Variants in BCAS3 observed in about 807,000 individuals in gnomAD.
The protein encoded by BCAS3 is BCAS4/BCAS3 fusion.
In BCAS3, 53 loss-of-function variants were observed where a neutral mutation model predicts 116.1. The ratio of observed to expected loss-of-function variants is 0.46; its 90% CI spans 0.37 to 0.57. BCAS3 has a LOEUF of 0.57. BCAS3 is among the 20% of genes least tolerant of loss of function. The pLI is 0.00. For missense variants in BCAS3, 917 were observed against 1,165.4 expected (o/e 0.79, Z 3.10); for synonymous variants, 391 against 408.2 (o/e 0.96, Z 0.51).
chr17:60,935,906 T>C (rs2059895608), intron 13 of BCAS3, among the ~76,000 whole-genome samples: 1 of 151,928 alleles, frequency 6.6e-6, no homozygotes, highest in Non-Finnish European at 1.5e-5. Flanking sequence ...GTGCACAACA[T>C]GCAGGTTATT....
intron 14 of BCAS3, among the ~76,000 whole-genome samples, chr17:60,981,012 T>G (rs1378216388): frequency 1.3e-5 from 2 of 151,940 alleles, no homozygotes; most frequent in Non-Finnish European, 2.9e-5. Context: ...GTGTTTTTAT[T>G]TTTTGTAGAG....
At chr17:61,163,605 A>AAAGAC (rs2078299190) in intron 22 of BCAS3, among the ~76,000 whole-genome samples, 1 of 152,098 alleles carries the variant, frequency 6.6e-6, no homozygotes, top group Non-Finnish European at 1.5e-5. Context: ...GTCTTTATTT[A>AAAGAC]AAGGTTTCAT....
At chr17:61,044,465 A>AATATATATATATATATAT (rs1555683922) in intron 19 of BCAS3, among the ~76,000 whole-genome samples, 4 of 120,096 alleles carry the variant, frequency 3.3e-5, no homozygotes, top group African/African-American at 2.0e-4. Context: ...AAAAAAAAAA[A>AATATATATATATATATAT]ATATATATAT....
At chr17:60,696,252 A>G (rs2035580069) in intron 4 of BCAS3, 1 of 152,282 alleles carries the variant, frequency 6.6e-6, no homozygotes, top group African/African-American at 2.4e-5. Flanking sequence ...ATTAGTTACC[A>G]GAATAGAGGG....
chr17:60,755,217 T>C (rs1396835982), intron 6 of BCAS3, among the ~76,000 whole-genome samples: 1 of 152,184 alleles, frequency 6.6e-6, no homozygotes, highest in Non-Finnish European at 1.5e-5. Flanking sequence ...AACCCTGTTA[T>C]TAGGGCGTTT....
At chr17:61,295,372 G>C (rs541320301) in intron 22 of BCAS3, among the ~76,000 whole-genome samples, 1 of 152,322 alleles carries the variant, frequency 6.6e-6, no homozygotes, top group East Asian at 1.9e-4. Flanking sequence ...GAGCAGCCTG[G>C]CTCCTGGGGA....
intron 6 of BCAS3, among the ~76,000 whole-genome samples, chr17:60,795,047 G>A (rs1322911677): frequency 6.6e-6 from 1 of 152,152 alleles, no homozygotes; most frequent in Non-Finnish European, 1.5e-5. Context: ...GTGAGCATGG[G>A]ATATGTCTCC....
In BCAS3 at chr17:60,956,907, C is replaced by T. The variant is rs2061162376; in HGVS notation, c.1221+9555C>T. The stretch of plus-strand genomic sequence containing the variant: ...TGGCCCTCTTTGAGTACTACAAAAG[C>T]ATGTTTTTCTGGATTCTTCCAAGAA... On this transcript the variant is annotated intron_variant, in intron 14 of 23. Coordinates refer to ENST00000407086, the MANE Select transcript of BCAS3 (RefSeq NM_017679.5). This position sits in a 1 kb window ranked among gnomAD's most constrained non-coding sequence, Gnocchi z 4.2. Among the ~76,000 whole-genome samples, 1 of 152,082 alleles carries T rather than the reference C, an allele frequency of 6.6e-6. No individual in the cohort carries two copies. Among genetic ancestry groups the T allele is most frequent in the African/African-American group, 2.4e-5 (1 of 41,416 alleles).
chr17:61,339,594 C>T lies in BCAS3; in HGVS notation c.2426-28733C>T, dbSNP rs1439403442. 6.6e-6 allele frequency among the ~76,000 whole-genome samples: 1 copy of T among 152,024 alleles called. No individual in the cohort carries two copies. The highest frequency in any genetic ancestry group is 1.9e-4 in the East Asian group (1 of 5,186). On this transcript the variant is annotated intron_variant, in intron 22 of 23. Coordinates refer to ENST00000407086, the MANE Select transcript of BCAS3 (RefSeq NM_017679.5). This position sits in a 1 kb window ranked among gnomAD's most constrained non-coding sequence, Gnocchi z 4.4. The stretch of plus-strand genomic sequence containing the variant: ...CAGCCTAGCCAACATGGTGAAACCC[C>T]TTCTCTACTAAGAATACAAAAATTA...
In BCAS3 at chr17:61,324,907, C is replaced by G. The variant is rs957996541; in HGVS notation, c.2426-43420C>G. Among the ~76,000 whole-genome samples the G allele has an allele frequency of 2.0e-5, 3 of 151,880 alleles. No individual in the cohort carries two copies. The highest frequency in any genetic ancestry group is 2.9e-5 in the Non-Finnish European group (2 of 68,012). Reference sequence around the variant, plus strand: ...TCTCCATGTTCAAAAGTCTAACCTTCGAAGACTTCTAAGAGTTTTAGAAGA... The same window carrying G: ...TCTCCATGTTCAAAAGTCTAACCTTGGAAGACTTCTAAGAGTTTTAGAAGA... On this transcript the variant is annotated intron_variant, in intron 22 of 23. Transcript: ENST00000407086. This position sits in a 1 kb window ranked among gnomAD's most constrained non-coding sequence, Gnocchi z 4.6.
At chr17:61,157,173 G>A (rs1285724563) in intron 22 of BCAS3, among the ~76,000 whole-genome samples, 1 of 152,114 alleles carries the variant, frequency 6.6e-6, no homozygotes, top group Non-Finnish European at 1.5e-5. Flanking sequence ...ATCAAAAGAT[G>A]TACAATGTGA....
At chr17:60,774,213 GT>G (rs373936086) in intron 6 of BCAS3, among the ~76,000 whole-genome samples, 34 of 151,454 alleles carry the variant, frequency 2.2e-4, no homozygotes, top group African/African-American at 7.5e-4. Flanking sequence ...GTTTCTTCAT[GT>G]TTTTTTTCTG....
rs1384704886 is a variant in BCAS3 at position 61,126,355 on chromosome 17, C to T, written c.2425+41791C>T. 6.6e-6 allele frequency among the ~76,000 whole-genome samples: 1 copy of T among 152,040 alleles called. No homozygotes were observed. On this transcript the variant is annotated intron_variant, in intron 22 of 23. Coordinates refer to ENST00000407086, the MANE Select transcript of BCAS3 (RefSeq NM_017679.5). This position sits in a 1 kb window ranked among gnomAD's most constrained non-coding sequence, Gnocchi z 4.6. ...TGTCAGTGATACTTATTTTCAGAGA[C>T]ATTAGAAAAAAAGAGCAGTGTATAT...
chr17:60,679,098 G>A (rs980095884), intron 1 of BCAS3, among the ~76,000 whole-genome samples: 2 of 152,258 alleles, frequency 1.3e-5, no homozygotes, highest in East Asian at 1.9e-4. Flanking sequence ...GGTGGCGCTC[G>A]CCTGTAATCC....
intron 22 of BCAS3, among the ~76,000 whole-genome samples, chr17:61,221,208 A>T (rs186088325): frequency 6.6e-6 from 1 of 152,366 alleles, no homozygotes; most frequent in Admixed American, 6.5e-5. Flanking sequence ...TTTCAGGGAC[A>T]TGGAAACAGT....
At chr17:61,318,644 G>C (rs917424084) in intron 22 of BCAS3, among the ~76,000 whole-genome samples, 1 of 152,162 alleles carries the variant, frequency 6.6e-6, no homozygotes, top group Admixed American at 6.5e-5. Context: ...GCCTTGTGTT[G>C]GGGTTTCTGA....
intron 6 of BCAS3, among the ~76,000 whole-genome samples, chr17:60,787,631 A>T (rs893137111): frequency 2.6e-5 from 4 of 152,160 alleles, no homozygotes; most frequent in Non-Finnish European, 5.9e-5. Flanking sequence ...GAAGAAACAA[A>T]TCAGGGTAAG....
intron 6 of BCAS3, chr17:60,749,135 C>T (rs1417551137): frequency 2.6e-5 from 4 of 152,034 alleles, no homozygotes; most frequent in South Asian, 2.1e-4. Context: ...TTCTCTTTTA[C>T]CCATTTTGCT....
intron 14 of BCAS3, 47 bp from the exon 15 acceptor site, chr17:60,989,923 TC>T: frequency 6.3e-7 from 1 of 1,584,120 alleles, no homozygotes; most frequent in South Asian, 1.1e-5. Context: ...CTTAGAAAAA[TC>T]CAAGTAGTTT....
Sources: gnomAD v4.1 joint callset for allele counts (sites outside exome capture counted in the v4.1 genomes callset) on GRCh38, gnomAD v4.1.1 for gene constraint, Gnocchi (gnomAD v3.1) non-coding constraint, MANE v1.5 for transcripts, NCBI Gene and HGNC (gene_info 2026-07-23, HGNC 2026-07-21) for gene names.